The following ADNP variants were observed in gnomAD, a reference collection of about 807,000 sequenced individuals.
ADNP encodes activity dependent neuroprotector homeobox.
In ADNP, 4 loss-of-function variants were observed where a neutral mutation model predicts 84.9. The observed-to-expected ratio is 0.05, with a 90% CI of 0.02 to 0.11. The LOEUF (loss-of-function observed/expected upper bound fraction) is 0.11, where lower values mean the gene tolerates loss of function less well. Ranked by LOEUF, ADNP falls within the 10% of genes least tolerant of loss-of-function variation. ADNP has a pLI of 1.00. For synonymous variants in ADNP, 554 were observed against 468.1 expected (o/e 1.18, Z -2.37); for missense variants, 1,132 against 1,326.0 (o/e 0.85, Z 2.27).
chr20:50,917,793 C>A (rs901488856), intron 2 of ADNP, among the ~76,000 whole-genome samples: 1 of 152,116 alleles, frequency 6.6e-6, no homozygotes, highest in African/African-American at 2.4e-5. Context: ...ATTCATAATA[C>A]CCCCAAAATA....
intron 2 of ADNP, among the ~76,000 whole-genome samples, chr20:50,909,099 G>T (rs1364292233): frequency 6.6e-6 from 1 of 151,550 alleles, no homozygotes; most frequent in Admixed American, 6.6e-5. Flanking sequence ...TGCCAGCCAT[G>T]GTGGCTCACG....
At chr20:50,917,391 A>G (rs1267007375) in intron 2 of ADNP, among the ~76,000 whole-genome samples, 2 of 152,156 alleles carry the variant, frequency 1.3e-5, no homozygotes, top group Non-Finnish European at 2.9e-5. Context: ...TCTTACCATC[A>G]CCATGGAGGC....
At chr20:50,908,158 T>TG (rs1237441124) in intron 2 of ADNP, among the ~76,000 whole-genome samples, 30 of 151,284 alleles carry the variant, frequency 2.0e-4, no homozygotes, top group Non-Finnish European at 4.1e-4. Context: ...TTTTTTTTTT[T>TG]TTTTTTTTTG....
Position 50,913,801 on chromosome 20 carries a change from G to C in ADNP, c.-89-8952C>G, listed in dbSNP as rs749606455. 1.4e-5 allele frequency: 7 copies of C among 491,902 alleles called. No homozygotes were observed. In the East Asian group the frequency reaches 3.1e-4, roughly 22 times the overall value. 30.5% of individuals were successfully genotyped at this position (491,902 alleles called of 1,614,324 possible). On this transcript the variant is annotated intron_variant, in intron 2 of 5. Coordinates refer to ENST00000621696, the MANE Select transcript of ADNP (RefSeq NM_001282531.3). ...GGGAAGCTGGAGGAGGTGAAGGAGA[G>C]GATTCTGGCCAATAAACCCCTGGCT... is the stretch of plus-strand genomic sequence containing the variant.
intron 1 of ADNP, among the ~76,000 whole-genome samples, chr20:50,929,286 G>A (rs1984493275): frequency 6.6e-6 from 1 of 152,252 alleles, no homozygotes; most frequent in Admixed American, 6.5e-5. Context: ...AACCAAGGAT[G>A]TGCCAAGGTG....
Position 50,889,448 on chromosome 20 carries a change from C to T in ADNP, c.*1957G>A, listed in dbSNP as rs550461617. 4.4e-5 allele frequency: 7 copies of T among 157,424 alleles called. 1 individual carries two copies. The highest frequency in any genetic ancestry group is 2.1e-4 in the South Asian group (1 of 4,870). 9.8% of individuals were successfully genotyped at this position (157,424 alleles called of 1,614,324 possible). On this transcript the variant is annotated 3_prime_UTR_variant, in exon 6 of 6. Coordinates refer to ENST00000621696, the MANE Select transcript of ADNP (RefSeq NM_001282531.3). ...AACTTATAATCTACCTGTATAACAA[C>T]AGATGCAACATAGCTCCGTTCCAGC... is the stretch of plus-strand genomic sequence containing the variant.
intron 2 of ADNP, among the ~76,000 whole-genome samples, chr20:50,914,850 T>G (rs549687396): frequency 6.6e-6 from 1 of 152,328 alleles, no homozygotes; most frequent in East Asian, 1.9e-4. Context: ...AGACAGTTGT[T>G]TTTTTCCCCA....
Position 50,893,760 on chromosome 20 carries a change from T to A in ADNP, c.954A>T (p.Gly318=). Residue 318 remains glycine (G), a synonymous_variant, in exon 6 of 6, where the codon GGA becomes GGT. Coordinates refer to ENST00000621696, the MANE Select transcript of ADNP (RefSeq NM_001282531.3). The surrounding 1 kb of genome is among the most constrained non-coding windows in gnomAD (Gnocchi z 4.4). ...GATGAACACTGGACATCATGTTGACTCCTGTAGAATTTAAGTTAGGCTTTG... is the reference window on the plus strand; with the variant it reads ...GATGAACACTGGACATCATGTTGACACCTGTAGAATTTAAGTTAGGCTTTG... The part of the protein sequence containing the change: ...SIPKPNLNST[G]VNMMSSVHLQ... 1.2e-6 allele frequency: 2 copies of A among 1,614,164 alleles called. No homozygotes were observed. Among genetic ancestry groups the A allele is most frequent in the Non-Finnish European group, 1.7e-6 (2 of 1,180,028 alleles).
At chr20:50,921,424 G>A (rs1310939097) in intron 2 of ADNP, among the ~76,000 whole-genome samples, 3 of 152,126 alleles carry the variant, frequency 2.0e-5, no homozygotes, top group Non-Finnish European at 4.4e-5. Context: ...ATAAACCCAG[G>A]TGACTTACAG....
At chr20:50,905,810 T>A (rs1162269597) in intron 2 of ADNP, among the ~76,000 whole-genome samples, 3 of 152,244 alleles carry the variant, frequency 2.0e-5, no homozygotes, top group Non-Finnish European at 4.4e-5. Context: ...TGATATAAAT[T>A]AAGACCAAAT....
chr20:50,892,765 A>G lies in ADNP; in HGVS notation c.1949T>C (p.Ile650Thr). Residue 650 changes from isoleucine to threonine, a missense_variant, in exon 6 of 6, where the codon ATT becomes ACT. By Grantham distance (89) the Ile-to-Thr change is moderately conservative. Transcript: ENST00000621696. ...AHHLRERHQV[I>T]QTVHPVEKKL... Reference sequence around the variant, plus strand: ...TTTCTCAACTGGATGAACCGTCTGAATAACTTGGTGCCTCTCTCGTAAGTG... The same window carrying G: ...TTTCTCAACTGGATGAACCGTCTGAGTAACTTGGTGCCTCTCTCGTAAGTG... The G allele has an allele frequency of 1.9e-6, 3 of 1,614,236 alleles. No homozygotes were observed. The highest frequency in any genetic ancestry group is 1.7e-6 in the Non-Finnish European group (2 of 1,180,050).
At chr20:50,899,782 A>T (rs1241461178) in intron 5 of ADNP, among the ~76,000 whole-genome samples, 1 of 140,908 alleles carries the variant, frequency 7.1e-6, no homozygotes, top group Non-Finnish European at 1.6e-5. Flanking sequence ...ACAACAGTTT[A>T]AAAAGTTAAA....
chr20:50,917,985 G>C (rs909367009), intron 2 of ADNP, among the ~76,000 whole-genome samples: 1 of 152,134 alleles, frequency 6.6e-6, no homozygotes, highest in Non-Finnish European at 1.5e-5. Flanking sequence ...CACTCATGAG[G>C]TACTTAGAAT....
chr20:50,908,459 A>T (rs1982707276), intron 2 of ADNP, among the ~76,000 whole-genome samples: 1 of 152,206 alleles, frequency 6.6e-6, no homozygotes, highest in South Asian at 2.1e-4. Context: ...AGTTCAAATC[A>T]ATAGCTGGCT....
At chr20:50,917,121 C>T (rs1003629511) in intron 2 of ADNP, among the ~76,000 whole-genome samples, 2 of 152,202 alleles carry the variant, frequency 1.3e-5, no homozygotes, top group East Asian at 1.9e-4. Flanking sequence ...AGATGCAGCA[C>T]TCCTGTCACT....
At chr20:50,925,178 C>G (rs936134170) in intron 2 of ADNP, among the ~76,000 whole-genome samples, 6 of 151,850 alleles carry the variant, frequency 4.0e-5, no homozygotes, top group Non-Finnish European at 7.4e-5. Context: ...TTGCATTTTT[C>G]ATTGATTAGA....
intron 2 of ADNP, among the ~76,000 whole-genome samples, chr20:50,917,128 C>G (rs1481433153): frequency 6.6e-6 from 1 of 152,206 alleles, no homozygotes; most frequent in African/African-American, 2.4e-5. Flanking sequence ...GCACTCCTGT[C>G]ACTACCCATG....
chr20:50,913,986 G>GA, intron 2 of ADNP: 3 of 745,250 alleles, frequency 4.0e-6, no homozygotes, highest in Non-Finnish European at 7.5e-6. Flanking sequence ...GCCAGAATGA[G>GA]ACTGTAAAAG....
At chr20:50,918,373 G>C (rs1983673077) in intron 2 of ADNP, among the ~76,000 whole-genome samples, 1 of 152,068 alleles carries the variant, frequency 6.6e-6, no homozygotes, top group Non-Finnish European at 1.5e-5. Flanking sequence ...ACAAACCGTG[G>C]ATGTAACACA....
Sources: gnomAD v4.1 joint callset for allele counts (sites outside exome capture counted in the v4.1 genomes callset) on GRCh38, gnomAD v4.1.1 for gene constraint, Gnocchi (gnomAD v3.1) non-coding constraint, MANE v1.5 for transcripts, NCBI Gene and HGNC (gene_info 2026-07-23, HGNC 2026-07-21) for gene names.